Variants in ADCYAP1 observed in about 807,000 individuals in gnomAD.
The protein encoded by ADCYAP1 is adenylate cyclase activating polypeptide 1.
ADCYAP1 carries 6 observed loss-of-function variants against 18.5 expected under a neutral mutation model. That is an observed-to-expected ratio of 0.32 (90% CI 0.18 to 0.64). The LOEUF (loss-of-function observed/expected upper bound fraction) is 0.64, where lower values mean the gene tolerates loss of function less well. Among genes scored for constraint, ADCYAP1 ranks in the 30% least tolerant of loss-of-function variants. The pLI, the probability that ADCYAP1 is intolerant of heterozygous loss-of-function variation, is 0.77. For synonymous variants in ADCYAP1, 136 were observed against 113.9 expected, an observed-to-expected ratio of 1.19 and a Z score of -1.24; for missense variants, 314 against 253.6, an observed-to-expected ratio of 1.24 and a Z score of -1.62.
intron 4 of ADCYAP1, among the ~76,000 whole-genome samples, chr18:909,065 C>T (rs1909284248): frequency 6.6e-6 from 1 of 152,208 alleles, no homozygotes. Context: ...TAGGGCTCTC[C>T]GGTTACTTTC....
chr18:904,948 C>A lies in ADCYAP1; in HGVS notation c.-114C>A. On this transcript the variant is annotated 5_prime_UTR_variant, in exon 1 of 5. Coordinates refer to ENST00000450565, the MANE Select transcript of ADCYAP1 (RefSeq NM_001099733.2). ...GGTTCCTGCGGCTTCTGCTCAGACA[C>A]CAACGCCAGACGGCGATGCCTCTCG... is the stretch of plus-strand genomic sequence containing the variant. 5 of 1,290,786 alleles carry A rather than the reference C, an allele frequency of 3.9e-6. No homozygotes were observed. Among genetic ancestry groups the A allele is most frequent in the Non-Finnish European group, 5.1e-6 (5 of 989,868 alleles). The allele number at this position is 1,290,786 out of a possible 1,614,324, so 80.0% of individuals were successfully genotyped here.
chr18:905,211 AC>A (rs1191055596), intron 1 of ADCYAP1, 151 bp downstream of exon 1: 1 of 1,433,550 alleles, frequency 7.0e-7, no homozygotes, highest in African/African-American at 1.4e-5. Flanking sequence ...TTTTTTTCTA[AC>A]TATAGCAAGC....
intron 4 of ADCYAP1, among the ~76,000 whole-genome samples, chr18:908,585 G>T (rs1909270582): frequency 6.6e-6 from 1 of 152,222 alleles, no homozygotes; most frequent in Admixed American, 6.5e-5. Flanking sequence ...GAGCCAGGGA[G>T]TTTGATCCGT....
Position 908,289 on chromosome 18 carries a change from C to A in ADCYAP1, c.267C>A (p.Asn89Lys). The A allele has an allele frequency of 6.2e-7, 1 of 1,612,840 alleles. No individual in the cohort carries two copies. Among genetic ancestry groups the A allele is most frequent in the Non-Finnish European group, 8.5e-7 (1 of 1,179,570 alleles). ...GRRDVAHGILNEAYRKVLDQL... is the reference protein window; with the variant it reads ...GRRDVAHGILKEAYRKVLDQL... ...GAGATGTCGCCCACGGGATCCTTAA[C>A]GAGGCCTACCGCAAAGTGCTGGACC... The change falls in exon 4 of 5, where the codon AAC becomes AAA. Residue 89 changes from asparagine to lysine, a missense_variant. Physicochemically the swap from Asn to Lys is moderately conservative, Grantham distance 94. Coordinates refer to ENST00000450565, the MANE Select transcript of ADCYAP1 (RefSeq NM_001099733.2).
chr18:908,415 C>A lies in ADCYAP1; in HGVS notation c.341+52C>A, dbSNP rs564179201. 68 of 1,488,368 alleles carry A rather than the reference C, an allele frequency of 4.6e-5. 1 individual carries two copies. In the Admixed American group the frequency reaches 6.4e-4, roughly 14 times the overall value. The allele number at this position is 1,488,368 out of a possible 1,614,324, so 92.2% of individuals were successfully genotyped here. ...GCGCGCGCCGGGGTGGGTGCCTGTG[C>A]GGGGCGCGCGGGGCGGGCGGCGGTG... On this transcript the variant is annotated intron_variant, in intron 4 of 4. Transcript: ENST00000450565.
rs1909395812 is a variant in ADCYAP1, at chr18:911,718, T to C, written c.*2083T>C. On this transcript the variant is annotated 3_prime_UTR_variant, in exon 5 of 5. Coordinates refer to ENST00000450565, the MANE Select transcript of ADCYAP1 (RefSeq NM_001099733.2). ...TAGTGCCTTTCTTCGCCTTTTAAAT[T>C]GCCACGAATCACAGATGGCTATTTA... 6.6e-6 allele frequency: 1 copy of C among 152,232 alleles called. No homozygotes were observed. The highest frequency in any genetic ancestry group is 2.4e-5 in the African/African-American group (1 of 41,458). The allele number at this position is 152,232 out of a possible 1,614,324, so 9.4% of individuals were successfully genotyped here. A position where few individuals can be genotyped will look rare whatever the true frequency, so the allele number is the denominator to read the frequency against.
chr18:905,683 G>T (rs570128278), intron 2 of ADCYAP1, 187 bp downstream of exon 2: 66 of 709,422 alleles, frequency 9.3e-5, no homozygotes, highest in South Asian at 8.9e-4. Flanking sequence ...GGCAGGCTCC[G>T]CGACTGCTCG....
At chr18:907,369 G>T (rs191907001) in intron 2 of ADCYAP1, among the ~76,000 whole-genome samples, 1,750 of 151,984 alleles carry the variant, frequency 0.012, 26 homozygotes, top group African/African-American at 0.04. Context: ...AGGTGTGCGC[G>T]ATCGGCGGAG....
At chr18:908,238 T>C (rs2143119412) in intron 3 of ADCYAP1, 27 bp from the exon 4 acceptor site, 1 of 1,595,164 alleles carries the variant, frequency 6.3e-7, no homozygotes, top group Non-Finnish European at 8.6e-7. Context: ...ACAGTGACCC[T>C]GGGCGCGCAC....
At chr18:904,627 G>A, upstream of ADCYAP1, 2 of 1,246,524 alleles carry the variant, frequency 1.6e-6, no homozygotes, top group Non-Finnish European at 2.1e-6. Context: ...GCGGCTGCCT[G>A]GCCCGCGGCT....
chr18:904,632 G>C (rs1176450092), upstream of ADCYAP1: 3 of 1,244,176 alleles, frequency 2.4e-6, no homozygotes, highest in South Asian at 2.7e-5. Flanking sequence ...TGCCTGGCCC[G>C]CGGCTCCTAC....
At chr18:909,333 G>A (rs1598985360) in intron 4 of ADCYAP1, 113 bp from the exon 5 acceptor site, 5 of 1,059,408 alleles carry the variant, frequency 4.7e-6, no homozygotes, top group Admixed American at 5.9e-5. Flanking sequence ...GGCAGTGCGA[G>A]CCCCGGGCCC....
chr18:906,870 G>C (rs1425210825), intron 2 of ADCYAP1, among the ~76,000 whole-genome samples: 3 of 152,214 alleles, frequency 2.0e-5, no homozygotes, highest in Non-Finnish European at 2.9e-5. Context: ...CGTGCTCTGG[G>C]GTTGAGATGG....
intron 1 of ADCYAP1, 81 bp from the exon 2 acceptor site, chr18:905,305 C>T: frequency 6.4e-7 from 1 of 1,553,892 alleles, no homozygotes; most frequent in South Asian, 1.2e-5. Context: ...CCTCCCCCGG[C>T]TTCCAGAGCT....
chr18:904,827 T>C, upstream of ADCYAP1: 1 of 1,286,322 alleles, frequency 7.8e-7, no homozygotes, highest in Non-Finnish European at 1.0e-6. Flanking sequence ...CTTCTCTCCG[T>C]GTCACGCTCC....
At position 905,076 on chromosome 18, in the gene ADCYAP1, T is replaced by C. The variant is rs1909109435; in HGVS notation, c.-2+16T>C. The C allele has an allele frequency of 7.7e-7, 1 of 1,297,166 alleles. No individual in the cohort carries two copies. Among genetic ancestry groups the C allele is most frequent in the Admixed American group, 2.8e-5 (1 of 35,094 alleles). The allele number at this position is 1,297,166 out of a possible 1,614,324, so 80.4% of individuals were successfully genotyped here. On this transcript the variant is annotated intron_variant, in intron 1 of 4. Transcript: ENST00000450565. ...GAGTTGAAGGGTAAGGGAGGGAAAA[T>C]CTTACCAAAGCGACCGGCTCACTCG... is the stretch of plus-strand genomic sequence containing the variant.
Position 911,824 on chromosome 18 carries a change from G to C in ADCYAP1, c.*2189G>C, listed in dbSNP as rs555784717. On this transcript the variant is annotated 3_prime_UTR_variant, in exon 5 of 5. Transcript: ENST00000450565. ...TCTTGGATAATGGGCAGAGTTTTCT[G>C]TATTTGTATCAGCTGTTAGTGGTGA... 1.3e-5 allele frequency: 2 copies of C among 152,290 alleles called. No individual in the cohort carries two copies. The highest frequency in any genetic ancestry group is 6.5e-5 in the Admixed American group (1 of 15,302). The allele number at this position is 152,290 out of a possible 1,614,324, so 9.4% of individuals were successfully genotyped here. A position where few individuals can be genotyped will look rare whatever the true frequency, so the allele number is the denominator to read the frequency against.
chr18:910,083 T>C lies in ADCYAP1; in HGVS notation c.*448T>C, dbSNP rs1468278948. On this transcript the variant is annotated 3_prime_UTR_variant, in exon 5 of 5. Coordinates refer to ENST00000450565, the MANE Select transcript of ADCYAP1 (RefSeq NM_001099733.2). ...TTTATCCATGACAGGCCTGAAGATA[T>C]TACTACTTACCATTTGCTACTGTAC... The C allele has an allele frequency of 2.0e-5, 3 of 152,522 alleles. No individual in the cohort carries two copies. Among genetic ancestry groups the C allele is most frequent in the African/African-American group, 4.8e-5 (2 of 41,408 alleles). The allele number at this position is 152,522 out of a possible 1,614,324, so 9.4% of individuals were successfully genotyped here.
chr18:909,795 C>G lies in ADCYAP1; in HGVS notation c.*160C>G. The G allele has an allele frequency of 2.0e-6, 1 of 503,554 alleles. No homozygotes were observed. Among genetic ancestry groups the G allele is most frequent in the Non-Finnish European group, 3.2e-6 (1 of 313,144 alleles). The allele number at this position is 503,554 out of a possible 1,614,324, so 31.2% of individuals were successfully genotyped here. A position where few individuals can be genotyped will look rare whatever the true frequency, so the allele number is the denominator to read the frequency against. ...ATATTTTGATAATAATATTGTTTTTCTTTCTACAAAGCACTAGAGAATGCA... is the reference window on the plus strand; with the variant it reads ...ATATTTTGATAATAATATTGTTTTTGTTTCTACAAAGCACTAGAGAATGCA... On this transcript the variant is annotated 3_prime_UTR_variant, in exon 5 of 5. Transcript: ENST00000450565.
Sources: allele counts gnomAD v4.1 joint callset (sites outside exome capture counted in the v4.1 genomes callset), GRCh38; gene constraint gnomAD v4.1.1; transcripts MANE v1.5; gene names NCBI Gene and HGNC (gene_info 2026-07-23, HGNC 2026-07-21).